DSCAML1: variants seen among roughly 807,000 people sequenced by gnomAD.
The protein encoded by DSCAML1 is cell adhesion molecule DSCAML1.
DSCAML1 carries 38 observed loss-of-function variants against 200.5 expected under a neutral mutation model. The ratio of observed to expected loss-of-function variants is 0.19; its 90% CI spans 0.15 to 0.25. DSCAML1 has a LOEUF of 0.25. DSCAML1 is among the 10% of genes least tolerant of loss of function. DSCAML1 has a pLI of 1.00. For missense variants in DSCAML1, 2,223 were observed against 2,858.8 expected (o/e 0.78, Z 5.07); for synonymous variants, 1,215 against 1,165.0 (o/e 1.04, Z -0.87).
At chr11:117,560,035 C>T (rs4936386) in intron 3 of DSCAML1, among the ~76,000 whole-genome samples, 2,333 of 151,548 alleles carry the variant, frequency 0.015, 37 homozygotes, top group East Asian at 0.085. Flanking sequence ...TAGACAGGCC[C>T]GGCTGCTGGG....
At position 117,642,138 on chromosome 11, in the gene DSCAML1, C is replaced by A. The variant is rs1050890555; in HGVS notation, c.512-109616G>T. 1.3e-5 allele frequency among the ~76,000 whole-genome samples: 2 copies of A among 152,182 alleles called. No homozygotes were observed. The highest frequency in any genetic ancestry group is 2.9e-5 in the Non-Finnish European group (2 of 68,034). Reference sequence around the variant, plus strand: ...CCTCGAATTATTTCTGGTTTGTAATCCCCAACCCCAACCACACTGGATCAT... The same window carrying A: ...CCTCGAATTATTTCTGGTTTGTAATACCCAACCCCAACCACACTGGATCAT... On this transcript the variant is annotated intron_variant, in intron 3 of 32. Transcript: ENST00000651296. The surrounding 1 kb of genome is among the most constrained non-coding windows in gnomAD (Gnocchi z 4.1).
At chr11:117,440,601 G>A (rs1288940435) in intron 21 of DSCAML1, among the ~76,000 whole-genome samples, 1 of 152,124 alleles carries the variant, frequency 6.6e-6, no homozygotes, top group Non-Finnish European at 1.5e-5. Flanking sequence ...TTAGAAAGCC[G>A]CCACCAGAGG....
At chr11:117,547,884 C>T (rs999323900) in intron 3 of DSCAML1, among the ~76,000 whole-genome samples, 4 of 152,180 alleles carry the variant, frequency 2.6e-5, no homozygotes, top group African/African-American at 4.8e-5. Flanking sequence ...GCTGGTCCTC[C>T]GCTCCCAAGC....
intron 3 of DSCAML1, among the ~76,000 whole-genome samples, chr11:117,769,521 A>ATATATTTTATATATAT (rs2054996622): frequency 2.9e-5 from 2 of 68,796 alleles, no homozygotes; most frequent in African/African-American, 1.9e-4. Flanking sequence ...TATATATATT[A>ATATATTTTATATATAT]TATATATTTT....
intron 1 of DSCAML1, among the ~76,000 whole-genome samples, chr11:117,811,525 T>C (rs2055760511): frequency 6.6e-6 from 1 of 152,148 alleles, no homozygotes; most frequent in African/African-American, 2.4e-5. Flanking sequence ...CAGGCGTTCC[T>C]CCAGAACCTC....
intron 3 of DSCAML1, among the ~76,000 whole-genome samples, chr11:117,663,603 G>T (rs1336578405): frequency 6.6e-6 from 1 of 152,060 alleles, no homozygotes; most frequent in African/African-American, 2.4e-5. Context: ...CTCTCACTGT[G>T]CCCACATCGC....
chr11:117,708,026 C>T (rs2053784248), intron 3 of DSCAML1, among the ~76,000 whole-genome samples: 1 of 152,190 alleles, frequency 6.6e-6, no homozygotes, highest in South Asian at 2.1e-4. Flanking sequence ...CAAAGTGAAG[C>T]TAGCTGCAAC....
intron 3 of DSCAML1, among the ~76,000 whole-genome samples, chr11:117,771,200 T>G (rs2055033563): frequency 7.8e-6 from 1 of 128,858 alleles, no homozygotes; most frequent in Admixed American, 7.7e-5. Flanking sequence ...GAAGTGACCT[T>G]CATGTCAGCC....
At chr11:117,476,995 C>T (rs1199445009) in intron 14 of DSCAML1, among the ~76,000 whole-genome samples, 1 of 152,058 alleles carries the variant, frequency 6.6e-6, no homozygotes, top group Admixed American at 6.5e-5. Context: ...TAGGCACCTC[C>T]ATGTATGTCA....
At chr11:117,556,819 C>T (rs1850064983) in intron 3 of DSCAML1, among the ~76,000 whole-genome samples, 1 of 152,238 alleles carries the variant, frequency 6.6e-6, no homozygotes, top group African/African-American at 2.4e-5. Flanking sequence ...GGCTGGCGAC[C>T]TTATGTAGCC....
chr11:117,695,741 TC>T (rs1229165298), intron 3 of DSCAML1, among the ~76,000 whole-genome samples: 1 of 152,214 alleles, frequency 6.6e-6, no homozygotes, highest in Non-Finnish European at 1.5e-5. Context: ...GAGACTTCTT[TC>T]CTGGTTGGAA....
chr11:117,692,000 C>T (rs1185728544), intron 3 of DSCAML1, among the ~76,000 whole-genome samples: 2 of 152,082 alleles, frequency 1.3e-5, no homozygotes, highest in African/African-American at 2.4e-5. Context: ...CTTAGGAGTA[C>T]ATCAGCCTTT....
chr11:117,775,774 G>A (rs926734363), intron 3 of DSCAML1, among the ~76,000 whole-genome samples: 11 of 152,004 alleles, frequency 7.2e-5, no homozygotes, highest in Admixed American at 1.3e-4. Flanking sequence ...GGAGCTCCTC[G>A]GGGATTTAAA....
At chr11:117,472,295 G>A (rs1359432595) in intron 14 of DSCAML1, among the ~76,000 whole-genome samples, 1 of 152,110 alleles carries the variant, frequency 6.6e-6, no homozygotes, top group East Asian at 1.9e-4. Context: ...GAGGTCGGAC[G>A]AGACGTTCCC....
intron 3 of DSCAML1, among the ~76,000 whole-genome samples, chr11:117,673,585 T>C (rs2137675928): frequency 6.6e-6 from 1 of 152,190 alleles, no homozygotes; most frequent in Non-Finnish European, 1.5e-5. Flanking sequence ...GAGATGAAGG[T>C]TTACTTGACA....
chr11:117,707,141 T>G (rs1246929693), intron 3 of DSCAML1, among the ~76,000 whole-genome samples: 1 of 152,166 alleles, frequency 6.6e-6, no homozygotes, highest in Non-Finnish European at 1.5e-5. Flanking sequence ...GTGCCTCAAG[T>G]TCCTGACATG....
chr11:117,546,959 C>T lies in DSCAML1; in HGVS notation c.512-14437G>A, dbSNP rs185992004. Among the ~76,000 whole-genome samples, 13 of 152,262 alleles carry T rather than the reference C, an allele frequency of 8.5e-5. No homozygotes were observed. In the South Asian group the frequency reaches 2.7e-3, roughly 32 times the overall value. ...TCAGCCCCATTGTAATAGCATTTCC[C>T]TGACATTCATTAGACATGCATGAGA... On this transcript the variant is annotated intron_variant, in intron 3 of 32. Transcript: ENST00000651296.
Position 117,503,774 on chromosome 11 carries a change from C to T in DSCAML1, c.2359+71G>A. The T allele has an allele frequency of 6.7e-7, 1 of 1,497,790 alleles. No homozygotes were observed. The highest frequency in any genetic ancestry group is 9.1e-7 in the Non-Finnish European group (1 of 1,102,854). The allele number at this position is 1,497,790 out of a possible 1,614,324, so 92.8% of individuals were successfully genotyped here. ...AAACGACGGAGACTAAGAGAGTAGG[C>T]AGGGAGAGTGCAGAGCCGGGGCTTG... On this transcript the variant is annotated intron_variant, in intron 11 of 32. Transcript: ENST00000651296. This position sits in a 1 kb window ranked among gnomAD's most constrained non-coding sequence, Gnocchi z 5.2.
Position 117,518,748 on chromosome 11 carries a change from T to C in DSCAML1, c.1228A>G (p.Ile410Val), listed in dbSNP as rs753105830. 3 of 1,611,572 alleles carry C rather than the reference T, an allele frequency of 1.9e-6. No homozygotes were observed. The highest frequency in any genetic ancestry group is 2.5e-6 in the Non-Finnish European group (3 of 1,179,958). The change falls in exon 7 of 33, where the codon ATC (isoleucine) becomes GTC (valine). Residue 410 changes from isoleucine (I) to valine (V), a missense_variant. Ile to Val is a conservative substitution (Grantham distance 29). Coordinates refer to ENST00000651296, the MANE Select transcript of DSCAML1 (RefSeq NM_020693.4). This position sits in a 1 kb window ranked among gnomAD's most constrained non-coding sequence, Gnocchi z 6.3. Reference sequence around the variant, plus strand: ...ACCTTCTCGCTGAAGGACGAGACGATGCGGGGCGTGCCATCTGCAGGGAGC... The same window carrying C: ...ACCTTCTCGCTGAAGGACGAGACGACGCGGGGCGTGCCATCTGCAGGGAGC... Reference protein sequence around the residue: ...IIALEDGTPRIVSSFSEKVVN... With the variant: ...IIALEDGTPRVVSSFSEKVVN...
Sources: allele counts gnomAD v4.1 joint callset (sites outside exome capture counted in the v4.1 genomes callset), GRCh38; gene constraint gnomAD v4.1.1; non-coding constraint Gnocchi (gnomAD v3.1); transcripts MANE v1.5; gene names NCBI Gene and HGNC (gene_info 2026-07-23, HGNC 2026-07-21).